IGF1R: variants seen among roughly 807,000 people sequenced by gnomAD.
The protein encoded by IGF1R is insulin-like growth factor 1 receptor.
IGF1R carries 44 observed loss-of-function variants against 144.6 expected under a neutral mutation model. That is an observed-to-expected ratio of 0.30 (90% CI 0.24 to 0.39). The LOEUF (loss-of-function observed/expected upper bound fraction) is 0.39, where lower values mean the gene tolerates loss of function less well. IGF1R is among the 10% of genes least tolerant of loss of function. IGF1R has a pLI of 1.00. For synonymous variants in IGF1R, 795 were observed against 722.8 expected, an observed-to-expected ratio of 1.10 and a Z score of -1.60; for missense variants, 1,355 against 1,833.7, an observed-to-expected ratio of 0.74 and a Z score of 4.77.
At chr15:98,865,017 A>G (rs1308009518) in intron 2 of IGF1R, among the ~76,000 whole-genome samples, 1 of 152,154 alleles carries the variant, frequency 6.6e-6, no homozygotes. Context: ...TGTAGCTGTT[A>G]TATTTGGGAG....
chr15:98,937,756 G>A (rs1159324798), intron 17 of IGF1R, among the ~76,000 whole-genome samples: 1 of 152,212 alleles, frequency 6.6e-6, no homozygotes, highest in Non-Finnish European at 1.5e-5. Context: ...GAGTGCTTTT[G>A]TTGATTCTGT....
At position 98,793,573 on chromosome 15, in the gene IGF1R, C is replaced by T. The variant is rs140867932; in HGVS notation, c.640+85466C>T. 3.2e-3 allele frequency among the ~76,000 whole-genome samples: 484 copies of T among 152,304 alleles called. 3 individuals are homozygous for T. Among genetic ancestry groups the T allele is most frequent in the African/African-American group, 0.011 (461 of 41,576 alleles). ...CTCTATACTAAAACAGGAAGAGAAG[C>T]TTCCTTGTTGAAGTGACAGTTTAGA... On this transcript the variant is annotated intron_variant, in intron 2 of 20. Transcript: ENST00000650285.
chr15:98,934,303 C>T (rs934545935), intron 15 of IGF1R, among the ~76,000 whole-genome samples: 1 of 152,036 alleles, frequency 6.6e-6, no homozygotes, highest in African/African-American at 2.4e-5. Context: ...CTTACGTGCA[C>T]CATCATCACC....
chr15:98,702,033 GTTT>G (rs35793845), intron 1 of IGF1R, among the ~76,000 whole-genome samples: 2 of 108,702 alleles, frequency 1.8e-5, no homozygotes, highest in South Asian at 6.3e-4. Context: ...GAGTCACGCT[GTTT>G]TTTTTTTTTT....
chr15:98,850,746 G>C (rs762008856), intron 2 of IGF1R, among the ~76,000 whole-genome samples: 4 of 144,860 alleles, frequency 2.8e-5, no homozygotes, highest in South Asian at 4.4e-4. Context: ...GGCACTTGGT[G>C]GGGGGGGGTA....
intron 2 of IGF1R, among the ~76,000 whole-genome samples, chr15:98,852,545 G>A (rs916246783): frequency 1.3e-5 from 2 of 152,176 alleles, no homozygotes; most frequent in African/African-American, 2.4e-5. Flanking sequence ...GGAGTATTAG[G>A]GAGGCGATCA....
chr15:98,899,630 C>G lies in IGF1R; in HGVS notation c.1247+9C>G. On this transcript the variant is annotated intron_variant, in intron 5 of 20. Coordinates refer to ENST00000650285, the MANE Select transcript of IGF1R (RefSeq NM_000875.5). ...GAGGAGCAGCTAGAAGGGTAAGTGC[C>G]CCAAATTTCATGAGCTGACGTTCTA... 1.9e-6 allele frequency: 3 copies of G among 1,613,812 alleles called. No homozygotes were observed. Among genetic ancestry groups the G allele is most frequent in the East Asian group, 2.2e-5 (1 of 44,872 alleles).
chr15:98,775,531 C>T (rs1009298882), intron 2 of IGF1R, among the ~76,000 whole-genome samples: 2 of 152,186 alleles, frequency 1.3e-5, no homozygotes, highest in African/African-American at 2.4e-5. Context: ...ACCACTGCCA[C>T]CACCACAGCT....
intron 1 of IGF1R, among the ~76,000 whole-genome samples, chr15:98,695,901 G>A (rs1302479537): frequency 6.6e-6 from 1 of 152,074 alleles, no homozygotes; most frequent in Non-Finnish European, 1.5e-5. Flanking sequence ...GCTCTCACTT[G>A]GATGTTCTTC....
At chr15:98,934,046 G>A (rs769151184) in intron 15 of IGF1R, among the ~76,000 whole-genome samples, 6 of 151,700 alleles carry the variant, frequency 4.0e-5, no homozygotes, top group East Asian at 1.9e-4. Flanking sequence ...AATACGTTTC[G>A]TGTAACCCAG....
At chr15:98,765,511 A>G (rs1290371219) in intron 2 of IGF1R, among the ~76,000 whole-genome samples, 1 of 150,928 alleles carries the variant, frequency 6.6e-6, no homozygotes, top group Non-Finnish European at 1.5e-5. Flanking sequence ...TTTTGTAGAG[A>G]TGGAGTGTTG....
intron 2 of IGF1R, among the ~76,000 whole-genome samples, 185 bp downstream of exon 2, chr15:98,708,292 C>T (rs1473664340): frequency 6.6e-6 from 1 of 152,178 alleles, no homozygotes; most frequent in Non-Finnish European, 1.5e-5. Flanking sequence ...CTTTCCTTTG[C>T]ATCTGGGACT....
chr15:98,889,881 T>C (rs1279493587), intron 2 of IGF1R, among the ~76,000 whole-genome samples: 1 of 152,264 alleles, frequency 6.6e-6, no homozygotes, highest in African/African-American at 2.4e-5. Context: ...AATAATTTTG[T>C]ATTGTTTTCC....
At chr15:98,830,603 A>ATTTTTTTTTTTTTTTTTTTT (rs1555450173) in intron 2 of IGF1R, among the ~76,000 whole-genome samples, 5 of 133,722 alleles carry the variant, frequency 3.7e-5, no homozygotes, top group African/African-American at 1.3e-4. Flanking sequence ...TCTGATCATC[A>ATTTTTTTTTTTTTTTTTTTT]TCTTTTTTTT....
chr15:98,696,984 T>C (rs2053610452), intron 1 of IGF1R, among the ~76,000 whole-genome samples: 1 of 152,142 alleles, frequency 6.6e-6, no homozygotes, highest in African/African-American at 2.4e-5. Flanking sequence ...GATGCTTGGA[T>C]GAGCGTGCAG....
At chr15:98,867,404 A>G (rs767649759) in intron 2 of IGF1R, among the ~76,000 whole-genome samples, 46 of 152,370 alleles carry the variant, frequency 3.0e-4, no homozygotes, top group Admixed American at 1.2e-3. Context: ...CTGTTGAAAT[A>G]CATAAATTCG....
intron 2 of IGF1R, among the ~76,000 whole-genome samples, chr15:98,854,181 G>C (rs551308053): frequency 3.6e-4 from 55 of 152,314 alleles, no homozygotes; most frequent in Middle Eastern, 6.8e-3. Context: ...GGGGCCATGA[G>C]GTTCTGGGCA....
intron 2 of IGF1R, among the ~76,000 whole-genome samples, chr15:98,783,304 C>G (rs905260595): frequency 2.6e-5 from 4 of 152,032 alleles, no homozygotes; most frequent in African/African-American, 4.8e-5. Flanking sequence ...CACCTACTTC[C>G]CTTCTATCTC....
intron 4 of IGF1R, chr15:98,897,448 C>T (rs2014257035): frequency 6.3e-6 from 1 of 158,502 alleles, no homozygotes; most frequent in Non-Finnish European, 1.4e-5. Flanking sequence ...TCGGTCTCAC[C>T]CCTGTACAAT....
Sources: gnomAD v4.1 joint callset for allele counts (sites outside exome capture counted in the v4.1 genomes callset) on GRCh38, gnomAD v4.1.1 for gene constraint, MANE v1.5 for transcripts, NCBI Gene and HGNC (gene_info 2026-07-23, HGNC 2026-07-21) for gene names.